The following PCDH11Y variants were observed in gnomAD, a reference collection of about 807,000 sequenced individuals.
PCDH11Y encodes protocadherin-11 Y-linked.
For synonymous variants in PCDH11Y, 9 were observed against 83.6 expected, an observed-to-expected ratio of 0.11 and a Z score of 4.87; for missense variants, 12 against 224.8, an observed-to-expected ratio of 0.05 and a Z score of 6.05.
intron 2 of PCDH11Y, among the ~76,000 whole-genome samples, chrY:5,118,140 T>G: frequency 3.1e-5 from 1 of 32,420 alleles, no homozygotes; most frequent in Non-Finnish European, 7.5e-5. Flanking sequence ...ATGTTCCAAT[T>G]TGAAAAAGAA....
At chrY:5,300,827 T>A (rs2124663110) in intron 2 of PCDH11Y, among the ~76,000 whole-genome samples, 1 of 34,016 alleles carries the variant, frequency 2.9e-5, no homozygotes, top group East Asian at 7.9e-4. Flanking sequence ...AAAAAAGGTC[T>A]TGCATCATTT....
chrY:5,372,495 G>A (rs2053188448), intron 2 of PCDH11Y, among the ~76,000 whole-genome samples: 1 of 31,857 alleles, frequency 3.1e-5, no homozygotes, highest in African/African-American at 1.2e-4. Flanking sequence ...CAGAGAACTC[G>A]ATTGAAGTTT....
chrY:5,234,139 A>T, intron 2 of PCDH11Y, among the ~76,000 whole-genome samples: 1 of 31,582 alleles, frequency 3.2e-5, no homozygotes, highest in African/African-American at 1.2e-4. Context: ...AATTGCTTTC[A>T]GAAAGATTTG....
intron 3 of PCDH11Y, among the ~76,000 whole-genome samples, chrY:5,503,722 T>C (rs2053356289): frequency 3.1e-5 from 1 of 32,491 alleles, no homozygotes; most frequent in Non-Finnish European, 7.6e-5. Context: ...GTGTGTGTTG[T>C]TTTAATTAAA....
intron 2 of PCDH11Y, among the ~76,000 whole-genome samples, chrY:5,194,980 A>C (rs2052917173): frequency 1.2e-3 from 38 of 32,997 alleles, no homozygotes; most frequent in Non-Finnish European, 3.7e-4. Context: ...AAGTTCTCCA[A>C]GTCCCCTACC....
chrY:5,639,141 A>G (rs2053520912), intron 4 of PCDH11Y, among the ~76,000 whole-genome samples: 1 of 31,035 alleles, frequency 3.2e-5, no homozygotes, highest in Non-Finnish European at 7.7e-5. Context: ...ACAAACATTA[A>G]GCACTTTCTT....
rs1569475905 is a variant in PCDH11Y, at chrY:5,199,864, C to T, written c.3129+99157C>T. 1.3e-3 allele frequency among the ~76,000 whole-genome samples: 44 copies of T among 33,825 alleles called. No individual in the cohort carries two copies. The East Asian group carries it at 0.034, about 26-fold the overall frequency. The allele number at this position is 33,825 out of a possible 37,273, so 90.7% of individuals were successfully genotyped here. A position where few individuals can be genotyped will look rare whatever the true frequency, so the allele number is the denominator to read the frequency against. On this transcript the variant is annotated intron_variant, in intron 2 of 4. Transcript: ENST00000400457. ...GCTTTGACAACTGAAAGAATAGTTA[C>T]TATCAACTGTGATTGGTAAGAATGC...
intron 2 of PCDH11Y, among the ~76,000 whole-genome samples, chrY:5,180,037 G>C (rs2052898371): frequency 3.2e-5 from 1 of 31,719 alleles, no homozygotes; most frequent in South Asian, 7.4e-4. Flanking sequence ...TTGTAGTATA[G>C]TTTGAAGTTG....
chrY:5,328,700 G>T (rs2053125667), intron 2 of PCDH11Y, among the ~76,000 whole-genome samples: 1 of 32,481 alleles, frequency 3.1e-5, no homozygotes, highest in Non-Finnish European at 7.5e-5. Flanking sequence ...GCTGGCAGGT[G>T]GGGGAGGGCT....
At chrY:5,478,521 A>G (rs2124685520) in intron 2 of PCDH11Y, among the ~76,000 whole-genome samples, 1 of 32,413 alleles carries the variant, frequency 3.1e-5, no homozygotes, top group African/African-American at 1.2e-4. Context: ...GGAGTTCTGT[A>G]GATGTCTATT....
chrY:5,341,428 A>T (rs1330615160), intron 2 of PCDH11Y, among the ~76,000 whole-genome samples: 2 of 32,820 alleles, frequency 6.1e-5, no homozygotes, highest in Non-Finnish European at 1.5e-4. Flanking sequence ...TTTTATAATT[A>T]AAAAAAATCA....
intron 4 of PCDH11Y, among the ~76,000 whole-genome samples, chrY:5,657,758 T>C: frequency 6.0e-5 from 2 of 33,230 alleles, no homozygotes; most frequent in African/African-American, 2.3e-4. Flanking sequence ...TGTTGTATGG[T>C]TCTTGATTTG....
chrY:5,229,662 G>A, intron 2 of PCDH11Y, among the ~76,000 whole-genome samples: 1 of 31,809 alleles, frequency 3.1e-5, no homozygotes, highest in Non-Finnish European at 7.5e-5. Context: ...ACAGATCAGT[G>A]GGTCTTGCTT....
intron 2 of PCDH11Y, among the ~76,000 whole-genome samples, chrY:5,407,640 A>G (rs2124677680): frequency 2.4e-4 from 8 of 33,102 alleles, no homozygotes; most frequent in Non-Finnish European, 3.7e-4. Flanking sequence ...TGGGCCAGGC[A>G]CGGTGGCTGA....
At chrY:5,560,809 G>A in intron 3 of PCDH11Y, among the ~76,000 whole-genome samples, 1 of 33,915 alleles carries the variant, frequency 2.9e-5, no homozygotes, top group African/African-American at 1.2e-4. Context: ...AGTGTGCAAG[G>A]GAAATGTGAG....
chrY:5,384,135 G>C, intron 2 of PCDH11Y, among the ~76,000 whole-genome samples: 1 of 32,613 alleles, frequency 3.1e-5, no homozygotes, highest in African/African-American at 1.2e-4. Context: ...AGGAATATAA[G>C]GTAAATATTA....
intron 3 of PCDH11Y, among the ~76,000 whole-genome samples, chrY:5,509,953 C>T (rs1602935908): frequency 2.7e-4 from 8 of 29,192 alleles, no homozygotes; most frequent in African/African-American, 6.7e-4. Flanking sequence ...TAGTTCAAGC[C>T]CAGCCTGGCC....
intron 2 of PCDH11Y, among the ~76,000 whole-genome samples, chrY:5,141,641 C>A (rs1602875221): frequency 3.7e-3 from 81 of 22,108 alleles, no homozygotes; most frequent in Admixed American, 0.013. Flanking sequence ...TTTGACAAAC[C>A]TGAGAAAAAC....
chrY:5,183,941 C>CT (rs2052903821), intron 2 of PCDH11Y, among the ~76,000 whole-genome samples: 3 of 24,942 alleles, frequency 1.2e-4, no homozygotes, highest in South Asian at 7.8e-4. Flanking sequence ...AATAGTTATC[C>CT]TTTTTTTTTC....
Sources: allele counts gnomAD v4.1 joint callset (sites outside exome capture counted in the v4.1 genomes callset), GRCh38; gene constraint gnomAD v4.1.1; transcripts MANE v1.5; gene names NCBI Gene and HGNC (gene_info 2026-07-23, HGNC 2026-07-21).